The following ADGRV1 variants were observed in gnomAD, a reference collection of about 807,000 sequenced individuals.
The protein encoded by ADGRV1 is G-protein coupled receptor 98.
Under a neutral mutation model 596.2 loss-of-function variants are expected in ADGRV1, and 359 were observed. The ratio of observed to expected loss-of-function variants is 0.60; its 90% CI spans 0.55 to 0.66. The LOEUF is 0.66. Among genes scored for constraint, ADGRV1 ranks in the 30% least tolerant of loss-of-function variants. The pLI is 0.00. For synonymous variants in ADGRV1, 2,681 were observed against 2,679.2 expected (o/e 1.00, Z -0.02); for missense variants, 7,274 against 7,575.6 (o/e 0.96, Z 1.48).
chr5:90,974,912 C>T (rs1394244542), intron 84 of ADGRV1, among the ~76,000 whole-genome samples: 4 of 152,274 alleles, frequency 2.6e-5, no homozygotes, highest in Middle Eastern at 3.4e-3. Context: ...AGTGAACAGG[C>T]AACCTACAGA....
Position 90,693,224 on chromosome 5 carries a change from G to GGACAGTCA in ADGRV1, c.7133+438_7133+439insGACAGTCA, listed in dbSNP as rs368602588. Among the ~76,000 whole-genome samples, 1,076 of 151,078 alleles carry GGACAGTCA rather than the reference G, an allele frequency of 7.1e-3. 15 individuals carry two copies. The highest frequency in any genetic ancestry group is 0.025 in the African/African-American group (1,037 of 41,068). ...ACAGGATCTTGGGAACTTGTGACAA[G>GGACAGTCA]TCCCTGGTATCCACAGGGAATTGAT... On this transcript the variant is annotated intron_variant, in intron 32 of 89. Transcript: ENST00000405460.
At chr5:90,883,974 C>T (rs1770039804) in intron 83 of ADGRV1, among the ~76,000 whole-genome samples, 1 of 152,160 alleles carries the variant, frequency 6.6e-6, no homozygotes, top group Non-Finnish European at 1.5e-5. Flanking sequence ...TTCCTCATTA[C>T]TTCCCTCCTT....
At chr5:91,111,587 T>A (rs1792374883) in intron 87 of ADGRV1, among the ~76,000 whole-genome samples, 1 of 152,228 alleles carries the variant, frequency 6.6e-6, no homozygotes, top group Non-Finnish European at 1.5e-5. Flanking sequence ...CATTGTTAAA[T>A]AATCAGTTAC....
chr5:91,159,557 C>T (rs933586855), intron 89 of ADGRV1, among the ~76,000 whole-genome samples: 7 of 152,126 alleles, frequency 4.6e-5, no homozygotes, highest in Non-Finnish European at 8.8e-5. Flanking sequence ...TTAAAATATT[C>T]GACTTTCTAT....
intron 85 of ADGRV1, among the ~76,000 whole-genome samples, chr5:91,054,232 C>G (rs75025269): frequency 0.023 from 3,455 of 152,062 alleles, 117 homozygotes; most frequent in African/African-American, 0.079. Flanking sequence ...CTAGTTCAAT[C>G]CTAGTTTATT....
At position 90,906,174 on chromosome 5, in the gene ADGRV1, T is replaced by C. The variant is rs115451041; in HGVS notation, c.17856+42317T>C. Among the ~76,000 whole-genome samples the C allele has an allele frequency of 9.3e-3, 1,415 of 152,222 alleles. 21 individuals are homozygous for C. The highest frequency in any genetic ancestry group is 0.032 in the African/African-American group (1,337 of 41,546). On this transcript the variant is annotated intron_variant, in intron 83 of 89. Coordinates refer to ENST00000405460, the MANE Select transcript of ADGRV1 (RefSeq NM_032119.4). ...TTTTCATTAATATTTGTTGAAGATA[T>C]TGGCCTGCATATATGTTTTTTGACA...
intron 87 of ADGRV1, among the ~76,000 whole-genome samples, chr5:91,132,250 A>G (rs960400743): frequency 3.3e-5 from 5 of 152,206 alleles, no homozygotes; most frequent in African/African-American, 4.8e-5. Flanking sequence ...TATTTTAACT[A>G]TTTATATTAA....
chr5:91,065,129 G>T (rs1181121530), intron 85 of ADGRV1, among the ~76,000 whole-genome samples: 1 of 152,148 alleles, frequency 6.6e-6, no homozygotes, highest in Non-Finnish European at 1.5e-5. Flanking sequence ...TGTGATAAAT[G>T]GTGAACAATT....
chr5:91,102,069 C>T (rs55644905), intron 86 of ADGRV1, 150 bp from the exon 87 acceptor site: 4 of 686,952 alleles, frequency 5.8e-6, no homozygotes, highest in Non-Finnish European at 7.0e-6. Flanking sequence ...AGCAATGTGC[C>T]TTCTCCCCTC....
intron 73 of ADGRV1, 76 bp downstream of exon 73, chr5:90,807,813 G>C: frequency 7.8e-7 from 1 of 1,288,808 alleles, no homozygotes; most frequent in East Asian, 2.4e-5. Context: ...ACAGAAAAAG[G>C]CACAAGGGTT....
At position 90,759,293 on chromosome 5, in the gene ADGRV1, T is replaced by C. The variant is rs1279506865; in HGVS notation, c.11941-116T>C. 6.4e-6 allele frequency: 5 copies of C among 779,004 alleles called. No homozygotes were observed. The East Asian group carries it at 1.4e-4, about 21-fold the overall frequency. 48.3% of individuals were successfully genotyped at this position (779,004 alleles called of 1,614,324 possible). ...TGTTTCTGAGATTTTTGGTTTCAAC[T>C]AAAAAATTAAAATATATGTCAGCAA... On this transcript the variant is annotated intron_variant, in intron 57 of 89. Coordinates refer to ENST00000405460, the MANE Select transcript of ADGRV1 (RefSeq NM_032119.4).
chr5:91,153,501 G>C lies in ADGRV1; in HGVS notation c.18802+103G>C, dbSNP rs544274538. On this transcript the variant is annotated intron_variant, in intron 89 of 89. Coordinates refer to ENST00000405460, the MANE Select transcript of ADGRV1 (RefSeq NM_032119.4). ...TGCAAAGTACTATCAGTCACCCTTA[G>C]CACATCCTGATTCTCATGACCCATT... 449 of 715,200 alleles carry C rather than the reference G, an allele frequency of 6.3e-4. 1 individual carries two copies. Among genetic ancestry groups the C allele is most frequent in the Non-Finnish European group, 8.6e-4 (403 of 466,938 alleles). 44.3% of individuals were successfully genotyped at this position (715,200 alleles called of 1,614,324 possible).
chr5:91,072,474 T>C lies in ADGRV1; in HGVS notation c.18180T>C (p.Ala6060=), dbSNP rs2151394305. ...GTTTTATTCCAAACGTCTATGCTGCTTTGTTCACTGCAGCTCTTGTTCCTT... is the reference window on the plus strand; with the variant it reads ...GTTTTATTCCAAACGTCTATGCTGCCTTGTTCACTGCAGCTCTTGTTCCTT... The part of the protein sequence containing the change: ...DLCFIPNVYA[A]LFTAALVPLT... Residue 6060 remains alanine, a synonymous_variant, in exon 86 of 90, where the codon GCT becomes GCC. Coordinates refer to ENST00000405460, the MANE Select transcript of ADGRV1 (RefSeq NM_032119.4). The C allele has an allele frequency of 6.2e-7, 1 of 1,613,732 alleles. No homozygotes were observed. Among genetic ancestry groups the C allele is most frequent in the South Asian group, 1.1e-5 (1 of 91,082 alleles).
intron 75 of ADGRV1, among the ~76,000 whole-genome samples, chr5:90,818,624 A>T (rs1319100339): frequency 6.6e-6 from 1 of 151,358 alleles, no homozygotes; most frequent in Non-Finnish European, 1.5e-5. Flanking sequence ...TTTAGCATGA[A>T]GGGTTGTTGA....
intron 43 of ADGRV1, chr5:90,717,549 G>T (rs1750300691): frequency 6.6e-6 from 1 of 150,894 alleles, no homozygotes; most frequent in Non-Finnish European, 1.5e-5. Context: ...ATTCTGGAGT[G>T]CAGTGACGCG....
At position 90,781,604 on chromosome 5, in the gene ADGRV1, G is replaced by T. The variant is rs149450352; in HGVS notation, c.13231+26G>T. The T allele has an allele frequency of 4.6e-5, 73 of 1,578,734 alleles. 1 individual carries two copies. The highest frequency in any genetic ancestry group is 4.3e-4 in the Admixed American group (24 of 55,296). Reference sequence around the variant, plus strand: ...GTAGGTTCAGTCAGCTAGCTTGTAAGTAAGTTTACTACCACTTTCCAAATT... The same window carrying T: ...GTAGGTTCAGTCAGCTAGCTTGTAATTAAGTTTACTACCACTTTCCAAATT... On this transcript the variant is annotated intron_variant, in intron 65 of 89. Transcript: ENST00000405460.
intron 7 of ADGRV1, among the ~76,000 whole-genome samples, chr5:90,628,220 CAAAATAAAATAAAATAAAAT>C (rs70999498): frequency 8.5e-5 from 11 of 129,518 alleles, no homozygotes; most frequent in African/African-American, 3.6e-4. Flanking sequence ...ACCCCGCCCA[CAAAATAAAATAAAATAAAAT>C]AAAATAAAAT....
chr5:91,076,220 C>T (rs1322652770), intron 86 of ADGRV1, among the ~76,000 whole-genome samples: 1 of 152,146 alleles, frequency 6.6e-6, no homozygotes, highest in Non-Finnish European at 1.5e-5. Context: ...TCAATATTCT[C>T]CCCCTTTTGT....
chr5:90,960,089 A>G (rs975493250), intron 83 of ADGRV1, among the ~76,000 whole-genome samples: 1 of 150,554 alleles, frequency 6.6e-6, no homozygotes, highest in African/African-American at 2.5e-5. Context: ...CAGTGAGCCG[A>G]GATCGCGCCA....
Sources: allele counts gnomAD v4.1 joint callset (sites outside exome capture counted in the v4.1 genomes callset), GRCh38; gene constraint gnomAD v4.1.1; transcripts MANE v1.5; gene names NCBI Gene and HGNC (gene_info 2026-07-23, HGNC 2026-07-21).